Variants in FSIP1 observed in about 807,000 individuals in gnomAD.
FSIP1 encodes fibrous sheath-interacting protein 1.
A neutral mutation model predicts 60.9 loss-of-function variants in FSIP1; 65 were observed. The observed-to-expected ratio is 1.07, with a 90% CI of 0.87 to 1.31. FSIP1 has a LOEUF of 1.31. Among genes scored for constraint, FSIP1 ranks in the 40% most tolerant of loss-of-function variants. The pLI, the probability that FSIP1 is intolerant of heterozygous loss-of-function variation, is 0.00. For missense variants in FSIP1, 675 were observed against 665.5 expected, an observed-to-expected ratio of 1.01 and a Z score of -0.16; for synonymous variants, 209 against 221.2, an observed-to-expected ratio of 0.94 and a Z score of 0.49.
intron 10 of FSIP1, among the ~76,000 whole-genome samples, chr15:39,656,653 T>G (rs183884210): frequency 7.2e-5 from 11 of 152,232 alleles, no homozygotes; most frequent in Non-Finnish European, 1.3e-4. Flanking sequence ...AAAACAATTA[T>G]GTGGAAAGCA....
chr15:39,659,484 G>A (rs2140449967), intron 10 of FSIP1, among the ~76,000 whole-genome samples: 1 of 151,564 alleles, frequency 6.6e-6, no homozygotes, highest in Admixed American at 6.6e-5. Context: ...GGAGCTTGCA[G>A]TGAGCCGAGA....
rs1490511120 is a variant in FSIP1 at position 39,603,289 on chromosome 15, A to G, written c.1700-2363T>C. The stretch of plus-strand genomic sequence containing the variant: ...TTTTAAAGCATGGCTGCACAGCAGA[A>G]TCACCCAGACCCTGATCTCAGAAAC... On this transcript the variant is annotated intron_variant, in intron 11 of 11. Transcript: ENST00000350221. Among the ~76,000 whole-genome samples, 5 of 152,320 alleles carry G rather than the reference A, an allele frequency of 3.3e-5. No homozygotes were observed. In the East Asian group the frequency reaches 9.6e-4, roughly 29 times the overall value.
At chr15:39,618,788 AT>A (rs537828038) in intron 10 of FSIP1, among the ~76,000 whole-genome samples, 12 of 152,126 alleles carry the variant, frequency 7.9e-5, no homozygotes, top group African/African-American at 2.2e-4. Context: ...ATTTAAAAAC[AT>A]TTTTTTTCTT....
chr15:39,770,628 A>G lies in FSIP1; in HGVS notation c.127-18T>C. The G allele has an allele frequency of 7.0e-7, 1 of 1,433,072 alleles. No individual in the cohort carries two copies. Among genetic ancestry groups the G allele is most frequent in the Non-Finnish European group, 9.2e-7 (1 of 1,083,652 alleles). 88.8% of individuals were successfully genotyped at this position (1,433,072 alleles called of 1,614,324 possible). On this transcript the variant is annotated intron_variant, in intron 2 of 11. Coordinates refer to ENST00000350221, the MANE Select transcript of FSIP1 (RefSeq NM_152597.5). ...GTATCGACCTAAAAATAATTTCAAA[A>G]AAAAAACAGTTTCCGAAAATACTGT...
At chr15:39,707,341 A>G (rs893354013) in intron 10 of FSIP1, among the ~76,000 whole-genome samples, 2 of 152,028 alleles carry the variant, frequency 1.3e-5, no homozygotes, top group African/African-American at 2.4e-5. Flanking sequence ...CCCTTCTTCA[A>G]TCCCCACTCT....
intron 4 of FSIP1, among the ~76,000 whole-genome samples, chr15:39,765,152 C>T (rs975296411): frequency 1.3e-5 from 2 of 152,078 alleles, no homozygotes; most frequent in African/African-American, 4.8e-5. Context: ...CATACCACTG[C>T]CACTACCTCC....
intron 4 of FSIP1, among the ~76,000 whole-genome samples, chr15:39,764,684 A>G (rs1433737791): frequency 6.6e-6 from 1 of 152,206 alleles, no homozygotes; most frequent in East Asian, 1.9e-4. Flanking sequence ...AGGTCCAAGA[A>G]GGCCAAGGAA....
At chr15:39,653,495 A>C (rs1010065600) in intron 10 of FSIP1, among the ~76,000 whole-genome samples, 1 of 152,184 alleles carries the variant, frequency 6.6e-6, no homozygotes, top group Non-Finnish European at 1.5e-5. Flanking sequence ...TTAGCTGTAC[A>C]AAAAAACTTT....
rs1156604975 is a variant in FSIP1 at position 39,713,436 on chromosome 15, A to G, written c.1188+8T>C. On this transcript the variant is annotated splice_region_variant and intron_variant, in intron 10 of 11. Coordinates refer to ENST00000350221, the MANE Select transcript of FSIP1 (RefSeq NM_152597.5). ...TTAAAAAAAATTAATTAAAACAAAA[A>G]GACTTACCACATTTTCCTTCATCAT... The G allele has an allele frequency of 6.3e-7, 1 of 1,583,086 alleles. No homozygotes were observed. The highest frequency in any genetic ancestry group is 8.5e-7 in the Non-Finnish European group (1 of 1,170,784).
chr15:39,640,962 A>C (rs931207869), intron 10 of FSIP1, among the ~76,000 whole-genome samples: 1 of 152,204 alleles, frequency 6.6e-6, no homozygotes, highest in Non-Finnish European at 1.5e-5. Context: ...GCTAGGTTAC[A>C]GTTCACCACA....
At chr15:39,689,482 T>C (rs1293500042) in intron 10 of FSIP1, among the ~76,000 whole-genome samples, 4 of 152,104 alleles carry the variant, frequency 2.6e-5, no homozygotes, top group African/African-American at 7.2e-5. Context: ...TGAAATTATC[T>C]AGGAGCCTCC....
chr15:39,687,126 CT>C (rs796169162), intron 10 of FSIP1, among the ~76,000 whole-genome samples: 10 of 75,016 alleles, frequency 1.3e-4, no homozygotes, highest in African/African-American at 5.4e-4. Context: ...TTCTTTCTTT[CT>C]TTTCTTTTCC....
intron 10 of FSIP1, among the ~76,000 whole-genome samples, chr15:39,635,993 G>A (rs1892121898): frequency 6.6e-6 from 1 of 152,072 alleles, no homozygotes; most frequent in Non-Finnish European, 1.5e-5. Context: ...TTGTTGAAGA[G>A]CATCTCATCA....
intron 5 of FSIP1, among the ~76,000 whole-genome samples, chr15:39,754,872 A>T (rs1897257353): frequency 1.3e-5 from 2 of 152,102 alleles, no homozygotes; most frequent in African/African-American, 4.8e-5. Flanking sequence ...GAGGTATGCC[A>T]TTAGATTTCA....
intron 10 of FSIP1, among the ~76,000 whole-genome samples, chr15:39,680,987 C>T (rs999618197): frequency 2.6e-5 from 4 of 152,182 alleles, no homozygotes; most frequent in Non-Finnish European, 1.5e-5. Context: ...CATGGTCAGG[C>T]TGTGAGCCAC....
intron 10 of FSIP1, among the ~76,000 whole-genome samples, chr15:39,674,693 T>C (rs4924376): frequency 0.59 from 90,223 of 152,052 alleles, 27,989 homozygotes; most frequent in Non-Finnish European, 0.71. Flanking sequence ...TAACTCCAGA[T>C]GGATTAAGGA....
At chr15:39,728,042 A>C (rs1896264313) in intron 8 of FSIP1, among the ~76,000 whole-genome samples, 1 of 152,216 alleles carries the variant, frequency 6.6e-6, no homozygotes, top group Non-Finnish European at 1.5e-5. Context: ...CACAATAGCC[A>C]TAAAAAGAGC....
chr15:39,705,904 A>G lies in FSIP1; in HGVS notation c.1188+7540T>C, dbSNP rs184464218. ...TCCCAGCTACTCAGGAGGCTAAGGA[A>G]GGAGAATTGCTTGAACCTGGGAGGC... is the stretch of plus-strand genomic sequence containing the variant. On this transcript the variant is annotated intron_variant, in intron 10 of 11. Coordinates refer to ENST00000350221, the MANE Select transcript of FSIP1 (RefSeq NM_152597.5). Among the ~76,000 whole-genome samples the G allele has an allele frequency of 6.7e-3, 1,013 of 151,898 alleles. 4 individuals carry two copies. Among genetic ancestry groups the G allele is most frequent in the Non-Finnish European group, 0.011 (730 of 67,968 alleles).
intron 3 of FSIP1, among the ~76,000 whole-genome samples, chr15:39,769,656 A>G (rs1897815899): frequency 6.6e-6 from 1 of 152,206 alleles, no homozygotes; most frequent in Admixed American, 6.5e-5. Context: ...AAGAAGATGC[A>G]TATTTAAGGG....
Sources: allele counts gnomAD v4.1 joint callset (sites outside exome capture counted in the v4.1 genomes callset), GRCh38; gene constraint gnomAD v4.1.1; transcripts MANE v1.5; gene names NCBI Gene and HGNC (gene_info 2026-07-23, HGNC 2026-07-21).